LRP3: variants seen among roughly 807,000 people sequenced by gnomAD.
LRP3 encodes low-density lipoprotein receptor-related protein 3.
A neutral mutation model predicts 58.5 loss-of-function variants in LRP3; 49 were observed. The ratio of observed to expected loss-of-function variants is 0.84; its 90% CI spans 0.67 to 1.06. The LOEUF is 1.06. Ranked by LOEUF, LRP3 falls within the 50% of genes least tolerant of loss-of-function variation. The probability of loss-of-function intolerance (pLI) is 0.00; values close to 1 mark genes in which losing one functional copy is unlikely to be tolerated. For missense variants in LRP3, 1,019 were observed against 1,134.2 expected (o/e 0.90, Z 1.46); for synonymous variants, 485 against 492.2 (o/e 0.99, Z 0.20).
At chr19:33,201,866 G>C (rs1468659506) in intron 2 of LRP3, among the ~76,000 whole-genome samples, 1 of 152,216 alleles carries the variant, frequency 6.6e-6, no homozygotes, top group African/African-American at 2.4e-5. Flanking sequence ...TGGTTTAGAA[G>C]CAGAGAGCAT....
At position 33,208,628 on chromosome 19, in the gene LRP3, C is replaced by G. The variant is rs1386536758; in HGVS notation, c.*1053C>G. ...CACCGAGGTACGCCCCAGCCACTCC[C>G]ATCTGTGCCCATCAGGGACTCCCCA... On this transcript the variant is annotated 3_prime_UTR_variant, in exon 7 of 7. Transcript: ENST00000253193. The surrounding 1 kb of genome is among the most constrained non-coding windows in gnomAD (Gnocchi z 4.7). 1.9e-6 allele frequency: 1 copy of G among 535,962 alleles called. No individual in the cohort carries two copies. The highest frequency in any genetic ancestry group is 3.3e-6 in the Non-Finnish European group (1 of 300,676). The allele number at this position is 535,962 out of a possible 1,614,324, so 33.2% of individuals were successfully genotyped here. A position where few individuals can be genotyped will look rare whatever the true frequency, so the allele number is the denominator to read the frequency against.
intron 5 of LRP3, 100 bp downstream of exon 5, chr19:33,206,462 C>A: frequency 6.3e-7 from 1 of 1,594,132 alleles, no homozygotes; most frequent in Non-Finnish European, 8.5e-7. Flanking sequence ...GGACTAGCTA[C>A]ATGGAGGCTG....
chr19:33,204,328 C>T (rs765708717), intron 3 of LRP3: 73 of 378,858 alleles, frequency 1.9e-4, no homozygotes, highest in Admixed American at 4.6e-4. Flanking sequence ...TGCTCCACTT[C>T]GGCTTCGGGC....
intron 6 of LRP3, 34 bp downstream of exon 6, chr19:33,206,767 G>C: frequency 6.6e-7 from 1 of 1,503,784 alleles, no homozygotes; most frequent in Non-Finnish European, 8.9e-7. Context: ...CCCCTCCGGG[G>C]CCACTTGGGA....
At chr19:33,205,122 G>A (rs944660638) in intron 4 of LRP3, 124 bp from the exon 5 acceptor site, 10 of 1,092,830 alleles carry the variant, frequency 9.2e-6, no homozygotes, top group South Asian at 3.0e-5. Flanking sequence ...CCACCCTGGT[G>A]TTGGAGGGGT....
intron 3 of LRP3, chr19:33,203,788 GGGCCAGGCT>G (rs1198164373): frequency 6.6e-6 from 1 of 152,198 alleles, no homozygotes; most frequent in East Asian, 1.9e-4. Flanking sequence ...GGGTGGCTGG[GGGCCAGGCT>G]GGCACTGAGC....
At chr19:33,202,703 T>G (rs1003636419) in intron 2 of LRP3, 145 bp from the exon 3 acceptor site, 1 of 875,618 alleles carries the variant, frequency 1.1e-6, no homozygotes, top group African/African-American at 1.7e-5. Context: ...AGTCACAAGT[T>G]GTGGCCTTGC....
rs185845419 is a variant in LRP3 at position 33,207,049 on chromosome 19, G to T, written c.1787G>T (p.Arg596Leu). Residue 596 changes from arginine (R) to leucine (L), a missense_variant, in exon 7 of 7, where the codon CGC (arginine) becomes CTC (leucine). Coordinates refer to ENST00000253193, the MANE Select transcript of LRP3 (RefSeq NM_002333.4). ...MRRQMRRHASRRGPSRRRLGR... is the reference protein window; with the variant it reads ...MRRQMRRHASLRGPSRRRLGR... ...AGACAGATGCGTCGGCACGCCTCCC[G>T]CCGGGGGCCCTCCCGCCGCCGCCTC... is the stretch of plus-strand genomic sequence containing the variant. 2 of 1,484,612 alleles carry T rather than the reference G, an allele frequency of 1.3e-6. No individual in the cohort carries two copies. Among genetic ancestry groups the T allele is most frequent in the Non-Finnish European group, 1.8e-6 (2 of 1,123,644 alleles). 92.0% of individuals were successfully genotyped at this position (1,484,612 alleles called of 1,614,324 possible). A position where few individuals can be genotyped will look rare whatever the true frequency, so the allele number is the denominator to read the frequency against.
In LRP3 at chr19:33,207,417, G is replaced by T; in HGVS notation, c.2155G>T (p.Glu719Ter). The T allele has an allele frequency of 6.3e-7, 1 of 1,592,104 alleles. No individual in the cohort carries two copies. The highest frequency in any genetic ancestry group is 2.3e-5 in the East Asian group (1 of 44,098). Residue 719 changes from glutamate (E) to a stop codon, truncating the protein, a stop_gained, in exon 7 of 7, where the codon GAG becomes TAG. Transcript: ENST00000253193. LOFTEE classifies it high-confidence loss of function. ...CCCAGCTCCTGCAGATGCACCTCGGGAGCCCTGCTCAGCCCAGGACCCGCA... is the reference window on the plus strand; with the variant it reads ...CCCAGCTCCTGCAGATGCACCTCGGTAGCCCTGCTCAGCCCAGGACCCGCA... Reference protein sequence around the residue: ...DGPAPADAPREPCSAQDPHPQ... With the variant: ...DGPAPADAPR
chr19:33,206,550 C>A, intron 5 of LRP3, 51 bp from the exon 6 acceptor site: 1 of 1,591,708 alleles, frequency 6.3e-7, no homozygotes, highest in Middle Eastern at 1.7e-4. Context: ...GTTGTTCCTG[C>A]TGCAGGTCCC....
rs1032047563 is a variant in LRP3, at chr19:33,207,782, G to A, written c.*207G>A. ...GGGAGAAGAGTGGAGTGGTGAGCCC[G>A]TCTGCAGGGTCCCATTGTACACAAG... On this transcript the variant is annotated 3_prime_UTR_variant, in exon 7 of 7. Transcript: ENST00000253193. The A allele has an allele frequency of 1.4e-5, 8 of 583,916 alleles. No individual in the cohort carries two copies. The highest frequency in any genetic ancestry group is 1.3e-4 in the Admixed American group (4 of 31,576). 36.2% of individuals were successfully genotyped at this position (583,916 alleles called of 1,614,324 possible). A position where few individuals can be genotyped will look rare whatever the true frequency, so the allele number is the denominator to read the frequency against.
intron 4 of LRP3, 166 bp from the exon 5 acceptor site, chr19:33,205,080 C>T: frequency 1.2e-6 from 1 of 838,338 alleles, no homozygotes; most frequent in Non-Finnish European, 1.8e-6. Flanking sequence ...GGGAACTCAC[C>T]CCTAACCCCA....
chr19:33,197,700 C>T (rs919155324), intron 2 of LRP3, among the ~76,000 whole-genome samples: 14 of 152,204 alleles, frequency 9.2e-5, no homozygotes, highest in African/African-American at 3.4e-4. Flanking sequence ...TGTTCGTTGC[C>T]TGCTGCTCTG....
At chr19:33,206,406 C>T in intron 5 of LRP3, 44 bp downstream of exon 5, 2 of 1,599,818 alleles carry the variant, frequency 1.3e-6, no homozygotes, top group African/African-American at 2.7e-5. Flanking sequence ...TTCTTCATCA[C>T]CCAGGCTTGC....
At chr19:33,204,434 G>T in intron 3 of LRP3, 2 of 606,910 alleles carry the variant, frequency 3.3e-6, no homozygotes, top group Non-Finnish European at 2.9e-6. Context: ...AGCCTCCCGT[G>T]CACACCTGGA....
chr19:33,201,025 G>T (rs922192949), intron 2 of LRP3, among the ~76,000 whole-genome samples: 1 of 152,252 alleles, frequency 6.6e-6, no homozygotes, highest in Non-Finnish European at 1.5e-5. Context: ...AGGGGCTTCA[G>T]CTCTCAGCTC....
At chr19:33,198,517 C>T (rs1418267801) in intron 2 of LRP3, among the ~76,000 whole-genome samples, 1 of 152,206 alleles carries the variant, frequency 6.6e-6, no homozygotes. Context: ...TCTGCATTTC[C>T]AGAGCTTTCC....
At chr19:33,204,429 C>CG in intron 3 of LRP3, 2 of 598,394 alleles carry the variant, frequency 3.3e-6, no homozygotes, top group Non-Finnish European at 3.0e-6. Flanking sequence ...CATGGAGCCT[C>CG]CCGTGCACAC....
chr19:33,203,384 C>T (rs373624140), intron 3 of LRP3, among the ~76,000 whole-genome samples: 1 of 152,030 alleles, frequency 6.6e-6, no homozygotes, highest in Non-Finnish European at 1.5e-5. Flanking sequence ...AAGCCCATGT[C>T]GGAGAAGACA....
Sources: gnomAD v4.1 joint callset for allele counts (sites outside exome capture counted in the v4.1 genomes callset) on GRCh38, gnomAD v4.1.1 for gene constraint, Gnocchi (gnomAD v3.1) non-coding constraint, MANE v1.5 for transcripts, NCBI Gene and HGNC (gene_info 2026-07-23, HGNC 2026-07-21) for gene names.